RIPOR2: variants seen among roughly 807,000 people sequenced by gnomAD.
The protein encoded by RIPOR2 is RHO family interacting cell polarization regulator 2.
RIPOR2 carries 39 observed loss-of-function variants against 114.5 expected under a neutral mutation model. The ratio of observed to expected loss-of-function variants is 0.34; its 90% CI spans 0.26 to 0.44. The LOEUF is 0.44. Among genes scored for constraint, RIPOR2 ranks in the 20% least tolerant of loss-of-function variants. The pLI, the probability that RIPOR2 is intolerant of heterozygous loss-of-function variation, is 1.00. For missense variants in RIPOR2, 1,007 were observed against 1,255.1 expected (o/e 0.80, Z 2.99); for synonymous variants, 445 against 484.4 (o/e 0.92, Z 1.07).
At chr6:24,988,533 T>C (rs1326430412) in intron 1 of RIPOR2, among the ~76,000 whole-genome samples, 1 of 152,250 alleles carries the variant, frequency 6.6e-6, no homozygotes, top group East Asian at 1.9e-4. Context: ...CCAATTGGTA[T>C]CTTGTTTCAA....
At chr6:24,941,541 C>T (rs1430806131) in intron 1 of RIPOR2, among the ~76,000 whole-genome samples, 3 of 152,118 alleles carry the variant, frequency 2.0e-5, no homozygotes, top group African/African-American at 7.2e-5. Context: ...ACAGTTCAGC[C>T]CTTTCCCACT....
At chr6:25,014,972 C>T (rs549890018) in intron 1 of RIPOR2, 1 of 151,302 alleles carries the variant, frequency 6.6e-6, no homozygotes, top group African/African-American at 2.4e-5. Context: ...CATAGGCAGT[C>T]ACAGTGACCT....
At chr6:24,842,696 CTT>C (rs745759943) in intron 13 of RIPOR2, among the ~76,000 whole-genome samples, 164 bp downstream of exon 13, 27 of 152,152 alleles carry the variant, frequency 1.8e-4, no homozygotes, top group Admixed American at 3.9e-4. Flanking sequence ...GAAAATAAAA[CTT>C]AATATGCACT....
At chr6:24,980,360 A>G (rs1440252413) in intron 1 of RIPOR2, among the ~76,000 whole-genome samples, 1 of 152,222 alleles carries the variant, frequency 6.6e-6, no homozygotes, top group Non-Finnish European at 1.5e-5. Context: ...ATATTTTCCC[A>G]TATCACCAAG....
intron 1 of RIPOR2, among the ~76,000 whole-genome samples, chr6:24,901,228 CT>C (rs1315431368): frequency 3.9e-5 from 6 of 152,144 alleles, no homozygotes; most frequent in Admixed American, 1.3e-4. Context: ...TTCAATAGGG[CT>C]TTTTTCAGTA....
chr6:24,973,374 G>A (rs1010518122), intron 1 of RIPOR2, among the ~76,000 whole-genome samples: 11 of 152,070 alleles, frequency 7.2e-5, no homozygotes, highest in South Asian at 4.2e-4. Context: ...AGGCTGAGGC[G>A]GGTGGATCAC....
chr6:24,872,936 G>C lies in RIPOR2; in HGVS notation c.368C>G (p.Thr123Arg). 1.9e-6 allele frequency: 3 copies of C among 1,611,444 alleles called. No homozygotes were observed. The highest frequency in any genetic ancestry group is 2.5e-6 in the Non-Finnish European group (3 of 1,177,878). Residue 123 changes from threonine (T) to arginine (R), a missense_variant, in exon 4 of 22, where the codon ACG (threonine) becomes AGG (arginine). By Grantham distance (71) the Thr-to-Arg change is moderately conservative. Coordinates refer to ENST00000643898, the MANE Select transcript of RIPOR2 (RefSeq NM_001286445.3). ...CTGAGCTGTCAACTTGTCCAGCTCC[G>C]TCTGGTGAACCTCCAGATATTCACT... ...GLDEYLEVHQ[T>R]ELDKLTAQLK... is the part of the protein sequence containing the mutation.
At chr6:25,013,025 T>G (rs1374608618) in intron 1 of RIPOR2, among the ~76,000 whole-genome samples, 1 of 18,526 alleles carries the variant, frequency 5.4e-5, no homozygotes, top group African/African-American at 1.4e-4. Context: ...ATCTCTGGGT[T>G]TTTTTTTTTT....
intron 1 of RIPOR2, among the ~76,000 whole-genome samples, chr6:24,920,438 C>T (rs1581799074): frequency 6.6e-6 from 1 of 152,164 alleles, no homozygotes; most frequent in Non-Finnish European, 1.5e-5. Context: ...TTCAAATATT[C>T]ACCTCCAAGA....
intron 17 of RIPOR2, 25 bp from the exon 18 acceptor site, chr6:24,828,320 G>T: frequency 6.6e-7 from 1 of 1,517,776 alleles, no homozygotes; most frequent in Non-Finnish European, 8.9e-7. Flanking sequence ...AAGACACAAA[G>T]CAGCTTTAGA....
intron 1 of RIPOR2, among the ~76,000 whole-genome samples, chr6:25,036,764 T>G (rs1332490920): frequency 3.3e-5 from 5 of 152,172 alleles, no homozygotes. Flanking sequence ...TTACTTGTAC[T>G]GAAAATAGCC....
chr6:24,934,719 T>C (rs1040616476), intron 1 of RIPOR2, among the ~76,000 whole-genome samples: 1 of 152,172 alleles, frequency 6.6e-6, no homozygotes, highest in African/African-American at 2.4e-5. Flanking sequence ...ATTTCCTTTA[T>C]TTAGGTGGCT....
chr6:24,827,521 GAACCAGA>G (rs1324405455), intron 18 of RIPOR2, among the ~76,000 whole-genome samples: 2 of 152,196 alleles, frequency 1.3e-5, no homozygotes, highest in East Asian at 3.8e-4. Context: ...ACAAACCTGG[GAACCAGA>G]AACCAGCCCC....
chr6:24,879,220 A>C (rs1766110872), intron 1 of RIPOR2, among the ~76,000 whole-genome samples: 1 of 152,096 alleles, frequency 6.6e-6, no homozygotes, highest in Non-Finnish European at 1.5e-5. Flanking sequence ...GGCGCCTGTA[A>C]TCCCAGCTAC....
At chr6:24,850,025 T>G (rs1355568088) in intron 10 of RIPOR2, 75 bp from the exon 11 acceptor site, 10 of 1,291,884 alleles carry the variant, frequency 7.7e-6, no homozygotes, top group Non-Finnish European at 1.1e-6. Flanking sequence ...GTCATTTTTT[T>G]TACTGAGCTA....
chr6:25,025,963 A>G (rs563017690), intron 1 of RIPOR2, among the ~76,000 whole-genome samples: 2 of 152,234 alleles, frequency 1.3e-5, no homozygotes, highest in African/African-American at 4.8e-5. Context: ...GATACATGGT[A>G]TTTCAAAACC....
chr6:24,824,037 G>C lies in RIPOR2; in HGVS notation c.2868+1189C>G, dbSNP rs1759933115. On this transcript the variant is annotated intron_variant, in intron 19 of 21. Coordinates refer to ENST00000643898, the MANE Select transcript of RIPOR2 (RefSeq NM_001286445.3). Reference sequence around the variant, plus strand: ...CTCCCAAAGTGTTGGGATTACAGGTGTGAGCCACCGCGCCTGGGCCCCTGT... The same window carrying C: ...CTCCCAAAGTGTTGGGATTACAGGTCTGAGCCACCGCGCCTGGGCCCCTGT... 1.3e-5 allele frequency among the ~76,000 whole-genome samples: 2 copies of C among 152,218 alleles called. 1 individual carries two copies. The highest frequency in any genetic ancestry group is 4.1e-4 in the South Asian group (2 of 4,834).
intron 1 of RIPOR2, among the ~76,000 whole-genome samples, chr6:24,989,070 T>G (rs1251844116): frequency 6.6e-6 from 1 of 152,174 alleles, no homozygotes; most frequent in African/African-American, 2.4e-5. Context: ...TTTCTTGGAT[T>G]CATTATTTAT....
At chr6:24,863,641 A>C (rs4403252) in intron 7 of RIPOR2, among the ~76,000 whole-genome samples, 30,584 of 152,142 alleles carry the variant, frequency 0.2, 3,607 homozygotes, top group East Asian at 0.35. Flanking sequence ...CTTTATTTTC[A>C]CTATCATTTA....
Sources: allele counts gnomAD v4.1 joint callset (sites outside exome capture counted in the v4.1 genomes callset), GRCh38; gene constraint gnomAD v4.1.1; transcripts MANE v1.5; gene names NCBI Gene and HGNC (gene_info 2026-07-23, HGNC 2026-07-21).